The following SCN1A variants were observed in gnomAD, a reference collection of about 807,000 sequenced individuals.
The protein encoded by SCN1A is sodium channel protein type 1 subunit alpha.
A neutral mutation model predicts 193.7 loss-of-function variants in SCN1A; 13 were observed. The ratio of observed to expected loss-of-function variants is 0.07; its 90% CI spans 0.04 to 0.11. The LOEUF (loss-of-function observed/expected upper bound fraction) is 0.11. SCN1A is among the 10% of genes least tolerant of loss of function. The pLI, the probability that SCN1A is intolerant of heterozygous loss-of-function variation, is 1.00. For synonymous variants in SCN1A, 781 were observed against 843.6 expected (o/e 0.93, Z 1.29); for missense variants, 1,432 against 2,451.1 (o/e 0.58, Z 8.78).
At chr2:166,027,559 G>A (rs1574124195) in intron 19 of SCN1A, among the ~76,000 whole-genome samples, 2 of 151,104 alleles carry the variant, frequency 1.3e-5, no homozygotes, top group East Asian at 1.9e-4. Context: ...GTGGTCATGC[G>A]ATGTCTATAT....
downstream of SCN1A, chr2:165,985,646 T>C (rs1688566187): frequency 6.6e-6 from 1 of 152,120 alleles, no homozygotes; most frequent in Non-Finnish European, 1.5e-5. Flanking sequence ...CCACTTGTGA[T>C]TTTAAGAATT....
At chr2:166,135,800 T>G (rs1691833966) in intron 1 of SCN1A, among the ~76,000 whole-genome samples, 1 of 152,170 alleles carries the variant, frequency 6.6e-6, no homozygotes, top group Non-Finnish European at 1.5e-5. Context: ...CGTGATTCCT[T>G]GGAAATTTTG....
chr2:166,013,934 T>A, intron 20 of SCN1A, 36 bp from the exon 21 acceptor site: 1 of 1,604,740 alleles, frequency 6.2e-7, no homozygotes, highest in Non-Finnish European at 8.5e-7. Context: ...AGATAAAGTG[T>A]CTCTGCTTCC....
Position 166,048,986 on chromosome 2 carries a change from C to T in SCN1A, c.965-37G>A, listed in dbSNP as rs762657148. 80 of 1,325,840 alleles carry T rather than the reference C, an allele frequency of 6.0e-5. No homozygotes were observed. The South Asian group carries it at 9.4e-4, about 16-fold the overall frequency. The allele number at this position is 1,325,840 out of a possible 1,614,324, so 82.1% of individuals were successfully genotyped here. ...AAGAAAGTCGTATGATGAACATTTG[C>T]ATTGTTAAAAACACTCAAATGAGAA... On this transcript the variant is annotated intron_variant, in intron 9 of 28. Coordinates refer to ENST00000674923, the MANE Select transcript of SCN1A (RefSeq NM_001165963.4).
chr2:166,041,927 C>A (rs1697238866), intron 15 of SCN1A, among the ~76,000 whole-genome samples: 1 of 152,166 alleles, frequency 6.6e-6, no homozygotes, highest in Non-Finnish European at 1.5e-5. Context: ...TCTTCCTCTA[C>A]AATCTTGAGA....
intron 2 of SCN1A, among the ~76,000 whole-genome samples, chr2:166,084,380 G>C (rs1685872058): frequency 6.6e-6 from 1 of 152,018 alleles, no homozygotes; most frequent in Non-Finnish European, 1.5e-5. Flanking sequence ...AACCCACAAA[G>C]ATGGAGACAG....
chr2:166,082,960 G>T (rs1259020949), intron 2 of SCN1A, among the ~76,000 whole-genome samples: 1 of 151,976 alleles, frequency 6.6e-6, no homozygotes, highest in African/African-American at 2.4e-5. Context: ...ATCTGGGCAC[G>T]ACAATTTGTG....
In SCN1A at chr2:165,990,830, A is replaced by C; in HGVS notation, c.*415T>G. The C allele has an allele frequency of 5.3e-6, 1 of 188,404 alleles. No homozygotes were observed. The highest frequency in any genetic ancestry group is 1.1e-5 in the Non-Finnish European group (1 of 89,304). 11.7% of individuals were successfully genotyped at this position (188,404 alleles called of 1,614,324 possible). On this transcript the variant is annotated 3_prime_UTR_variant, in exon 29 of 29. Coordinates refer to ENST00000674923, the MANE Select transcript of SCN1A (RefSeq NM_001165963.4). ...CATATAATAAACACATGGATTAACA[A>C]AAAGATGAATCCACTAACAGATTCC...
Position 166,041,407 on chromosome 2 carries a change from T to A in SCN1A, c.2239A>T (p.Ile747Phe). The A allele has an allele frequency of 6.2e-7, 1 of 1,613,748 alleles. No individual in the cohort carries two copies. Among genetic ancestry groups the A allele is most frequent in the Non-Finnish European group, 8.5e-7 (1 of 1,179,920 alleles). ...AACCAATATGGAGAACAGTCCCAGATTAAGAATATGTTGGAAAATTTATAC... is the reference window on the plus strand; with the variant it reads ...AACCAATATGGAGAACAGTCCCAGAATAAGAATATGTTGGAAAATTTATAC... ...CWYKFSNIFLIWDCSPYWLKV... is the reference protein window; with the variant it reads ...CWYKFSNIFLFWDCSPYWLKV... The change falls in exon 16 of 29, where the codon ATC (isoleucine) becomes TTC (phenylalanine). Residue 747 changes from isoleucine (I) to phenylalanine (F), a missense_variant. By Grantham distance (21) the Ile-to-Phe change is conservative. This residue lies in a region of SCN1A where 316 missense variants were observed against 362.1 expected (regional missense o/e 0.87). Coordinates refer to ENST00000674923, the MANE Select transcript of SCN1A (RefSeq NM_001165963.4).
At chr2:166,105,832 C>G (rs1318950211) in intron 2 of SCN1A, among the ~76,000 whole-genome samples, 1 of 152,160 alleles carries the variant, frequency 6.6e-6, no homozygotes, top group African/African-American at 2.4e-5. Context: ...ATTTGAAAAT[C>G]AGTAATATTA....
chr2:165,989,461 A>G lies in SCN1A; in HGVS notation c.*1784T>C, dbSNP rs1688854066. ...ATGAAAACATAAACCGAAGTCAGAA[A>G]AAAAGAACAAAAATAACATAAGCAC... On this transcript the variant is annotated 3_prime_UTR_variant, in exon 29 of 29. Coordinates refer to ENST00000674923, the MANE Select transcript of SCN1A (RefSeq NM_001165963.4). The G allele has an allele frequency of 6.6e-6, 1 of 152,272 alleles. No individual in the cohort carries two copies. The allele number at this position is 152,272 out of a possible 1,614,324, so 9.4% of individuals were successfully genotyped here.
chr2:166,094,142 T>C (rs1687125873), intron 2 of SCN1A, among the ~76,000 whole-genome samples: 1 of 152,190 alleles, frequency 6.6e-6, no homozygotes, highest in Non-Finnish European at 1.5e-5. Context: ...TTATGAAGGA[T>C]GGATAAAACA....
At chr2:166,100,632 C>G (rs1687939679) in intron 2 of SCN1A, among the ~76,000 whole-genome samples, 1 of 148,800 alleles carries the variant, frequency 6.7e-6, no homozygotes, top group Non-Finnish European at 1.5e-5. Flanking sequence ...GGGCTAATAT[C>G]CAGAATCTAC....
intron 2 of SCN1A, among the ~76,000 whole-genome samples, chr2:166,096,748 T>C (rs1687429251): frequency 6.6e-6 from 1 of 152,234 alleles, no homozygotes; most frequent in Non-Finnish European, 1.5e-5. Context: ...AAGGTCATAG[T>C]AATTTTATTC....
chr2:166,032,567 G>C (rs1441292569), intron 19 of SCN1A, among the ~76,000 whole-genome samples: 1 of 152,046 alleles, frequency 6.6e-6, no homozygotes, highest in African/African-American at 2.4e-5. Context: ...TTCTGACCAA[G>C]AAGAAAGGAA....
chr2:166,051,514 G>C (rs1310274448), intron 9 of SCN1A, among the ~76,000 whole-genome samples: 2 of 151,684 alleles, frequency 1.3e-5, no homozygotes, highest in African/African-American at 4.8e-5. Flanking sequence ...TATTTCATTA[G>C]TTTTAAATTT....
intron 25 of SCN1A, 55 bp downstream of exon 25, chr2:165,999,668 A>C: frequency 8.0e-7 from 1 of 1,244,186 alleles, no homozygotes; most frequent in Non-Finnish European, 1.2e-6. Context: ...TTATTCGATT[A>C]ATTTTACCAC....
intron 2 of SCN1A, among the ~76,000 whole-genome samples, chr2:166,095,983 G>C (rs556164110): frequency 6.6e-6 from 1 of 152,172 alleles, no homozygotes; most frequent in East Asian, 1.9e-4. Context: ...ATGAATAATT[G>C]CAGAAAATTA....
In SCN1A at chr2:166,119,046, C is replaced by G. The variant is rs535597383; in HGVS notation, c.-142+7878G>C. Among the ~76,000 whole-genome samples the G allele has an allele frequency of 1.3e-3, 196 of 152,254 alleles. 2 individuals are homozygous for G. Among genetic ancestry groups the G allele is most frequent in the Admixed American group, 1.2e-3 (18 of 15,296 alleles). ...TGCACAGTTCACAATAGGGTTTGTGCTCCTATGAGAATCTAATGCCGCCAC... is the reference window on the plus strand; with the variant it reads ...TGCACAGTTCACAATAGGGTTTGTGGTCCTATGAGAATCTAATGCCGCCAC... On this transcript the variant is annotated intron_variant, in intron 2 of 28. Coordinates refer to ENST00000674923, the MANE Select transcript of SCN1A (RefSeq NM_001165963.4).
Sources: gnomAD v4.1 joint callset for allele counts (sites outside exome capture counted in the v4.1 genomes callset) on GRCh38, gnomAD v4.1.1 for gene constraint, gnomAD v4.1.1 regional missense constraint, MANE v1.5 for transcripts, NCBI Gene and HGNC (gene_info 2026-07-23, HGNC 2026-07-21) for gene names.